Variants in MYH3 observed in about 807,000 individuals in gnomAD.
The protein encoded by MYH3 is myosin heavy chain 3, also known as myosin-3.
In MYH3, 130 loss-of-function variants were observed where a neutral mutation model predicts 238.0. That is an observed-to-expected ratio of 0.55 (90% CI 0.47 to 0.63). MYH3 has a LOEUF of 0.63. MYH3 is among the 30% of genes least tolerant of loss of function. The pLI, the probability that MYH3 is intolerant of heterozygous loss-of-function variation, is 0.00. For missense variants in MYH3, 1,853 were observed against 2,374.9 expected (o/e 0.78, Z 4.57); for synonymous variants, 880 against 924.1 (o/e 0.95, Z 0.86).
At position 10,645,817 on chromosome 17, in the gene MYH3, G is replaced by C. The variant is rs866809222; in HGVS notation, c.1031C>G (p.Pro344Arg). ...CTTGTAGAGCCCAGATTTCTCTTCT[G>C]GGGTGAAGCCCAGGATGTCAATGGC... is the stretch of plus-strand genomic sequence containing the variant. ...DSAIDILGFTPEEKSGLYKLT... is the reference protein window; with the variant it reads ...DSAIDILGFTREEKSGLYKLT... The change falls in exon 12 of 41, where the codon CCA (proline) becomes CGA (arginine). Residue 344 changes from proline to arginine, a missense_variant. Pro to Arg is a moderately radical substitution (Grantham distance 103). Coordinates refer to ENST00000583535, the MANE Select transcript of MYH3 (RefSeq NM_002470.4). 6.2e-7 allele frequency: 1 copy of C among 1,613,846 alleles called. No individual in the cohort carries two copies. The highest frequency in any genetic ancestry group is 2.2e-5 in the East Asian group (1 of 44,776).
In MYH3 at chr17:10,652,782, C is replaced by T. The variant is rs527969901; in HGVS notation, c.205-219G>A. 1.2e-4 allele frequency among the ~76,000 whole-genome samples: 18 copies of T among 151,896 alleles called. No homozygotes were observed. The East Asian group carries it at 1.4e-3, about 11-fold the overall frequency. On this transcript the variant is annotated intron_variant, in intron 3 of 40. Transcript: ENST00000583535. ...GATTACAGGCGCCCGCCACCACACC[C>T]GGCTAATTTTTTTTATTTTTAGTAG...
chr17:10,635,604 T>C (rs769819955), intron 29 of MYH3, 41 bp from the exon 30 acceptor site: 5 of 1,614,124 alleles, frequency 3.1e-6, no homozygotes, highest in Non-Finnish European at 4.2e-6. Context: ...ATATATTTAG[T>C]GCCAGGTGCA....
chr17:10,668,866 T>C, the MYH3 span, among the ~76,000 whole-genome samples: 4 of 152,236 alleles, frequency 2.6e-5, no homozygotes, highest in Non-Finnish European at 5.9e-5. Flanking sequence ...CTGTGAATAG[T>C]CTTCATATCC....
the MYH3 span, among the ~76,000 whole-genome samples, chr17:10,671,037 C>T: frequency 5.3e-5 from 8 of 152,200 alleles, 1 homozygote; most frequent in East Asian, 5.8e-4. Context: ...ACTACAGGCA[C>T]GCACCACCAC....
chr17:10,632,568 C>A lies in MYH3; in HGVS notation c.4864G>T (p.Asp1622Tyr). The change falls in exon 34 of 41, where the codon GAC becomes TAC. Residue 1622 changes from aspartate (D) to tyrosine (Y), a missense_variant. This residue lies in a region of MYH3 where 1,044 missense variants were observed against 1,192.6 expected (regional missense o/e 0.88). Transcript: ENST00000583535. Reference protein sequence around the residue: ...AIRLKKKMEGDLNEIEIQLSH... With the variant: ...AIRLKKKMEGYLNEIEIQLSH... ...AGCTGGATCTCGATTTCATTCAGGTCCCCCTCCATCTTCTTCTTGAGCCGG... is the reference window on the plus strand; with the variant it reads ...AGCTGGATCTCGATTTCATTCAGGTACCCCTCCATCTTCTTCTTGAGCCGG... 1 of 1,614,170 alleles carries A rather than the reference C, an allele frequency of 6.2e-7. No homozygotes were observed. The highest frequency in any genetic ancestry group is 8.5e-7 in the Non-Finnish European group (1 of 1,180,048).
chr17:10,665,447 A>T, the MYH3 span, among the ~76,000 whole-genome samples: 7 of 152,064 alleles, frequency 4.6e-5, no homozygotes, highest in Non-Finnish European at 8.8e-5. Context: ...CCAGACTATA[A>T]CCTTTAATTT....
the MYH3 span, chr17:10,676,820 A>G: frequency 6.6e-6 from 1 of 152,248 alleles, no homozygotes; most frequent in Non-Finnish European, 1.5e-5. Context: ...AGGATATAGT[A>G]TAATTACGGA....
chr17:10,635,033 T>C lies in MYH3; in HGVS notation c.4173-10A>G, dbSNP rs1449715292. The C allele has an allele frequency of 5.0e-6, 8 of 1,613,474 alleles. No individual in the cohort carries two copies. The highest frequency in any genetic ancestry group is 6.8e-6 in the Non-Finnish European group (8 of 1,179,598). ...CTGAGCAAGTTTTTTCCTTAAAGAA[T>C]ATGAAAGAGAAGCAGCTGTTATTTC... On this transcript the variant is annotated splice_polypyrimidine_tract_variant and intron_variant, in intron 30 of 40. Transcript: ENST00000583535.
At chr17:10,655,760 T>C (rs562151380) in intron 2 of MYH3, among the ~76,000 whole-genome samples, 7 of 152,110 alleles carry the variant, frequency 4.6e-5, no homozygotes, top group Non-Finnish European at 8.8e-5. Flanking sequence ...CAAGCGATAC[T>C]CCTGCCTCAG....
Position 10,648,570 on chromosome 17 carries a change from T to G in MYH3, c.722A>C (p.Asn241Thr). The change falls in exon 8 of 41, where the codon AAC becomes ACC. Residue 241 changes from asparagine to threonine, a missense_variant. This residue lies in a region of MYH3 where 678 missense variants were observed against 1,058.9 expected (regional missense o/e 0.64). Transcript: ENST00000583535. ...FGNAKTVRND[N>T]SSRFGKFIRI... ...ACTCAGACTCACAAAACGGGAGGAG[T>G]TGTCATTCCTCACAGTCTTGGCGTT... 6.2e-7 allele frequency: 1 copy of G among 1,613,502 alleles called. No individual in the cohort carries two copies. Among genetic ancestry groups the G allele is most frequent in the Non-Finnish European group, 8.5e-7 (1 of 1,179,738 alleles).
At chr17:10,670,554 C>T in the MYH3 span, among the ~76,000 whole-genome samples, 5 of 152,144 alleles carry the variant, frequency 3.3e-5, no homozygotes, top group African/African-American at 1.2e-4. This position sits in a 1 kb window ranked among gnomAD's most constrained non-coding sequence, Gnocchi z 7.0. Context: ...AGCAGTCCTC[C>T]TAGTTCAGCC....
In MYH3 at chr17:10,635,262, C is replaced by A. The variant is rs990207060; in HGVS notation, c.4172+105G>T. ...ACGCCAGGTCCCTCTAATGGCCCAGCACCGCATTTAAAGACACATGAGATG... is the reference window on the plus strand; with the variant it reads ...ACGCCAGGTCCCTCTAATGGCCCAGAACCGCATTTAAAGACACATGAGATG... On this transcript the variant is annotated intron_variant, in intron 30 of 40. Coordinates refer to ENST00000583535, the MANE Select transcript of MYH3 (RefSeq NM_002470.4). 8.2e-6 allele frequency: 13 copies of A among 1,577,076 alleles called. No homozygotes were observed. In the East Asian group the frequency reaches 1.6e-4, roughly 19 times the overall value.
Position 10,631,839 on chromosome 17 carries a change from C to A in MYH3, c.5134G>T (p.Glu1712Ter). 1 of 1,614,166 alleles carries A rather than the reference C, an allele frequency of 6.2e-7. No homozygotes were observed. Among genetic ancestry groups the A allele is most frequent in the African/African-American group, 1.3e-5 (1 of 75,018 alleles). ...LAEQELLDSN[E>*]RVQLLHTQNT... The stretch of plus-strand genomic sequence containing the variant: ...TGGGTATGCAGCAGCTGCACCCTCT[C>A]GTTGGAGTCCAGGAGCTCCTGTTCC... Residue 1712 changes from glutamate (E) to a stop codon, truncating the protein, a stop_gained, in exon 35 of 41, where the codon GAG becomes TAG. Transcript: ENST00000583535. LOFTEE classifies it high-confidence loss of function.
intron 10 of MYH3, among the ~76,000 whole-genome samples, chr17:10,646,855 C>T (rs1318200271): frequency 2.0e-5 from 3 of 152,118 alleles, no homozygotes; most frequent in Non-Finnish European, 2.9e-5. Flanking sequence ...CAAGACCAAC[C>T]TGGGCAACAT....
chr17:10,648,724 G>T, intron 7 of MYH3, 75 bp from the exon 8 acceptor site: 1 of 1,278,958 alleles, frequency 7.8e-7, no homozygotes, highest in Non-Finnish European at 1.1e-6. Flanking sequence ...TGCCCAGGCT[G>T]CAGTGCAATG....
rs368294676 is a variant in MYH3, at chr17:10,641,064, T to C, written c.2165+21A>G. ...TTCGTACATCTCATCCCCAAGCATA[T>C]AGAACATGTTTATTACACACCTTTG... On this transcript the variant is annotated intron_variant, in intron 19 of 40. Coordinates refer to ENST00000583535, the MANE Select transcript of MYH3 (RefSeq NM_002470.4). 2.3e-5 allele frequency: 35 copies of C among 1,521,714 alleles called. No individual in the cohort carries two copies. In the Admixed American group the frequency reaches 3.0e-4, roughly 13 times the overall value. 94.3% of individuals were successfully genotyped at this position (1,521,714 alleles called of 1,614,324 possible).
At position 10,642,525 on chromosome 17, in the gene MYH3, A is replaced by C; in HGVS notation, c.1780T>G (p.Trp594Gly). The part of the protein sequence containing the change: ...AGTVDYSVSG[W>G]LEKNKDPLNE... The stretch of plus-strand genomic sequence containing the variant: ...AGAGGGTCCTTGTTCTTCTCCAGCC[A>C]ACCTGAGACACTGTAGTCCACGGTG... Residue 594 changes from tryptophan (W) to glycine (G), a missense_variant, in exon 16 of 41, where the codon TGG (tryptophan) becomes GGG (glycine). Trp to Gly is a radical substitution (Grantham distance 184, BLOSUM62 -2). Transcript: ENST00000583535. The surrounding 1 kb of genome is among the most constrained non-coding windows in gnomAD (Gnocchi z 5.4). The C allele has an allele frequency of 6.2e-7, 1 of 1,614,218 alleles. No homozygotes were observed. The highest frequency in any genetic ancestry group is 8.5e-7 in the Non-Finnish European group (1 of 1,180,042).
intron 28 of MYH3, among the ~76,000 whole-genome samples, chr17:10,636,557 A>T (rs1236813619): frequency 6.6e-6 from 1 of 152,112 alleles, no homozygotes; most frequent in African/African-American, 2.4e-5. Context: ...GCTTACATAG[A>T]GGTAAGAGAA....
rs1468584580 is a variant in MYH3, at chr17:10,632,467, C to T, written c.4956+9G>A. ...GAGAGAGGTTTTTCCCCGATGGGTTCTCTCAAACCTTCAGCTGTCCCTGGA... is the reference window on the plus strand; with the variant it reads ...GAGAGAGGTTTTTCCCCGATGGGTTTTCTCAAACCTTCAGCTGTCCCTGGA... On this transcript the variant is annotated intron_variant, in intron 34 of 40. Coordinates refer to ENST00000583535, the MANE Select transcript of MYH3 (RefSeq NM_002470.4). 1 of 1,612,552 alleles carries T rather than the reference C, an allele frequency of 6.2e-7. No individual in the cohort carries two copies. The highest frequency in any genetic ancestry group is 8.5e-7 in the Non-Finnish European group (1 of 1,179,964).
Sources: allele counts gnomAD v4.1 joint callset (sites outside exome capture counted in the v4.1 genomes callset), GRCh38; gene constraint gnomAD v4.1.1; regional missense constraint gnomAD v4.1.1; non-coding constraint Gnocchi (gnomAD v3.1); transcripts MANE v1.5; gene names NCBI Gene and HGNC (gene_info 2026-07-23, HGNC 2026-07-21).